MYO19: variants seen among roughly 807,000 people sequenced by gnomAD.
MYO19 encodes myosin XIX.
Under a neutral mutation model 129.2 loss-of-function variants are expected in MYO19, and 132 were observed. That is an observed-to-expected ratio of 1.02 (90% CI 0.89 to 1.18). MYO19 has a LOEUF of 1.18. Among genes scored for constraint, MYO19 ranks in the 50% most tolerant of loss-of-function variants. The probability of loss-of-function intolerance (pLI) is 0.00; values close to 1 mark genes in which losing one functional copy is unlikely to be tolerated. For missense variants in MYO19, 1,210 were observed against 1,216.7 expected (o/e 0.99, Z 0.08); for synonymous variants, 531 against 477.2 (o/e 1.11, Z -1.47).
rs377576238 is a variant in MYO19 at position 36,509,306 on chromosome 17, T to C, written c.1158-171A>G. On this transcript the variant is annotated intron_variant, in intron 13 of 25. Coordinates refer to ENST00000614623, the MANE Select transcript of MYO19 (RefSeq NM_001163735.2). ...GCTTCCGGCCTATCACGTCTTGACC[T>C]ACTACAGATGCAGGCTATGGGCATG... The C allele has an allele frequency of 5.9e-4, 372 of 634,068 alleles. 2 individuals carry two copies. In the African/African-American group the frequency reaches 5.9e-3, roughly 10 times the overall value. 39.3% of individuals were successfully genotyped at this position (634,068 alleles called of 1,614,324 possible).
Position 36,503,889 on chromosome 17 carries a change from TGA to T in MYO19, c.1976+59_1976+60del, listed in dbSNP as rs573962234. 6.0e-4 allele frequency: 821 copies of T among 1,360,622 alleles called. 4 individuals carry two copies. In the African/African-American group the frequency reaches 0.011, roughly 18 times the overall value. The allele number at this position is 1,360,622 out of a possible 1,614,324, so 84.3% of individuals were successfully genotyped here. ...CTGGGTTGGGCAGGCTCTTGCCCAA[TGA>T]GAGTCCTGAGCCCCACTCTGTACTG... On this transcript the variant is annotated intron_variant, in intron 20 of 25. Transcript: ENST00000614623.
In MYO19 at chr17:36,500,892, C is replaced by T. The variant is rs1248022968; in HGVS notation, c.2315G>A (p.Trp772Ter). The change falls in exon 23 of 26, where the codon TGG becomes TAG. Residue 772 changes from tryptophan to a stop codon, truncating the protein, a stop_gained. Coordinates refer to ENST00000614623, the MANE Select transcript of MYO19 (RefSeq NM_001163735.2). LOFTEE classifies it high-confidence loss of function. ...CTGCTCTCGGTGCCGGTGTCGCCTC[C>T]AGCCACCCTGGATGCAGCGGGCACA... Reference protein sequence around the residue: ...EQCARCIQGGWRRHRHREQER... With the variant: ...EQCARCIQGG The T allele has an allele frequency of 1.2e-6, 2 of 1,608,158 alleles. No homozygotes were observed. Among genetic ancestry groups the T allele is most frequent in the Non-Finnish European group, 1.7e-6 (2 of 1,179,322 alleles).
At chr17:36,544,574 C>G (rs1057256904), upstream of MYO19, among the ~76,000 whole-genome samples, 4 of 152,234 alleles carry the variant, frequency 2.6e-5, no homozygotes, top group African/African-American at 9.6e-5. Flanking sequence ...AAAGAATTCC[C>G]CTTTGAGAGG....
chr17:36,525,452 T>C lies in MYO19; in HGVS notation c.301-111A>G, dbSNP rs1052285062. The C allele has an allele frequency of 3.0e-5, 24 of 788,602 alleles. No homozygotes were observed. In the African/African-American group the frequency reaches 3.8e-4, roughly 12 times the overall value. 48.9% of individuals were successfully genotyped at this position (788,602 alleles called of 1,614,324 possible). A position where few individuals can be genotyped will look rare whatever the true frequency, so the allele number is the denominator to read the frequency against. ...CTGCCAATAGCAGTGGTGGGATGCTTCCTCCAGAAAAATTTTCTGGATGTC... is the reference window on the plus strand; with the variant it reads ...CTGCCAATAGCAGTGGTGGGATGCTCCCTCCAGAAAAATTTTCTGGATGTC... On this transcript the variant is annotated intron_variant, in intron 5 of 25. Coordinates refer to ENST00000614623, the MANE Select transcript of MYO19 (RefSeq NM_001163735.2).
rs141179183 is a variant in MYO19, at chr17:36,525,218, G to A, written c.414+10C>T. 1.8e-5 allele frequency: 28 copies of A among 1,599,940 alleles called. No homozygotes were observed. Among genetic ancestry groups the A allele is most frequent in the African/African-American group, 1.7e-4 (13 of 74,754 alleles). On this transcript the variant is annotated intron_variant, in intron 6 of 25. Transcript: ENST00000614623. Reference sequence around the variant, plus strand: ...CGTGAGTTGACAGGATGGGAAAGACGTCTTCCTACCTTTCCAGCACCACTC... The same window carrying A: ...CGTGAGTTGACAGGATGGGAAAGACATCTTCCTACCTTTCCAGCACCACTC...
At chr17:36,496,469 C>T (rs1048273071) in intron 25 of MYO19, 63 bp from the exon 26 acceptor site, 29 of 1,543,564 alleles carry the variant, frequency 1.9e-5, no homozygotes, top group Middle Eastern at 1.7e-4. Context: ...GCCTAACAAC[C>T]CCACAGAGCA....
chr17:36,528,232 G>C (rs1423879159), intron 3 of MYO19, 30 bp from the exon 4 acceptor site: 2 of 1,548,530 alleles, frequency 1.3e-6, no homozygotes, highest in Non-Finnish European at 1.7e-6. Context: ...GGTGAGGCCA[G>C]GCACAGTGGC....
At position 36,500,942 on chromosome 17, in the gene MYO19, A is replaced by G. The variant is rs2071478193; in HGVS notation, c.2265T>C (p.Cys755=). ...MTDSMLELLE[C]GRARVLEQCA... ...ACTGCTCCAGCACCCGGGCACGCCC[A>G]CATTCCAGAAGCTCCAGCTGGGAGA... is the stretch of plus-strand genomic sequence containing the variant. The change falls in exon 23 of 26, where the codon TGT becomes TGC. Residue 755 remains cysteine, a synonymous_variant. Transcript: ENST00000614623. 37 of 1,611,648 alleles carry G rather than the reference A, an allele frequency of 2.3e-5. No individual in the cohort carries two copies. The highest frequency in any genetic ancestry group is 3.1e-5 in the Non-Finnish European group (37 of 1,178,524).
rs1312145467 is a variant in MYO19 at position 36,532,583 on chromosome 17, C to G, written c.-45G>C. The G allele has an allele frequency of 6.4e-7, 1 of 1,552,158 alleles. No individual in the cohort carries two copies. The highest frequency in any genetic ancestry group is 2.0e-5 in the Admixed American group (1 of 51,066). Reference sequence around the variant, plus strand: ...CCAGGGTTCTGGGTTGCAGGAGGTACAAGGAGTACTATCCACCTAGTCATG... The same window carrying G: ...CCAGGGTTCTGGGTTGCAGGAGGTAGAAGGAGTACTATCCACCTAGTCATG... On this transcript the variant is annotated 5_prime_UTR_variant, in exon 3 of 26. Coordinates refer to ENST00000614623, the MANE Select transcript of MYO19 (RefSeq NM_001163735.2).
intron 13 of MYO19, chr17:36,509,361 T>C: frequency 1.7e-6 from 1 of 590,370 alleles, no homozygotes; most frequent in Non-Finnish European, 3.0e-6. Context: ...AAACCTGGCA[T>C]GTCCTTATGG....
chr17:36,533,890 A>T (rs2073973733), intron 2 of MYO19, 63 bp downstream of exon 2: 1 of 152,254 alleles, frequency 6.6e-6, no homozygotes, highest in South Asian at 2.1e-4. Context: ...TTCCTCGTTT[A>T]CAAAACGGAG....
chr17:36,497,513 G>A (rs374848073), intron 25 of MYO19: 31 of 984,298 alleles, frequency 3.1e-5, no homozygotes, highest in Middle Eastern at 5.2e-4. Context: ...CTCAAGTCTT[G>A]GGTAGTTTCT....
upstream of MYO19, among the ~76,000 whole-genome samples, chr17:36,536,508 T>A (rs372118429): frequency 6.6e-6 from 1 of 151,728 alleles, no homozygotes; most frequent in East Asian, 1.9e-4. Context: ...TCTCTTTTCC[T>A]TTGCTTTTTC....
upstream of MYO19, chr17:36,537,594 G>A (rs1206486930): frequency 6.2e-7 from 1 of 1,614,140 alleles, no homozygotes; most frequent in South Asian, 1.1e-5. Context: ...CTATGGGACA[G>A]GAGCAATGGA....
intron 6 of MYO19, among the ~76,000 whole-genome samples, chr17:36,523,798 G>C (rs939372280): frequency 1.2e-4 from 19 of 152,250 alleles, no homozygotes; most frequent in African/African-American, 4.3e-4. Context: ...AAACCAAAAA[G>C]TCAGTAACAA....
At chr17:36,505,589 C>A (rs901187534) in intron 18 of MYO19, among the ~76,000 whole-genome samples, 185 bp from the exon 19 acceptor site, 1 of 152,204 alleles carries the variant, frequency 6.6e-6, no homozygotes, top group Non-Finnish European at 1.5e-5. Context: ...ACATTCCTCT[C>A]CCAACTTCCC....
chr17:36,525,919 G>A (rs79247588), intron 5 of MYO19, among the ~76,000 whole-genome samples: 3,331 of 152,216 alleles, frequency 0.022, 111 homozygotes, highest in East Asian at 0.094. Flanking sequence ...TTACTTTTCC[G>A]GAGGCAGGGC....
At chr17:36,496,446 T>C (rs748494369) in intron 25 of MYO19, 40 bp from the exon 26 acceptor site, 2 of 1,607,316 alleles carry the variant, frequency 1.2e-6, no homozygotes, top group Non-Finnish European at 1.7e-6. Context: ...CACTAGTTCC[T>C]GGGAGTGCCA....
At chr17:36,518,533 T>G (rs1251564139) in intron 6 of MYO19, among the ~76,000 whole-genome samples, 1 of 79,180 alleles carries the variant, frequency 1.3e-5, no homozygotes, top group Admixed American at 1.5e-4. Context: ...AAAAAATATA[T>G]ATATATATAT....
Sources: gnomAD v4.1 joint callset for allele counts (sites outside exome capture counted in the v4.1 genomes callset) on GRCh38, gnomAD v4.1.1 for gene constraint, MANE v1.5 for transcripts, NCBI Gene and HGNC (gene_info 2026-07-23, HGNC 2026-07-21) for gene names.